ADCY2: variants seen among roughly 807,000 people sequenced by gnomAD.
ADCY2 encodes adenylate cyclase type 2.
In ADCY2, 31 loss-of-function variants were observed where a neutral mutation model predicts 125.2. The observed-to-expected ratio is 0.25, with a 90% CI of 0.19 to 0.33. The LOEUF (loss-of-function observed/expected upper bound fraction) is 0.33. Ranked by LOEUF, ADCY2 falls within the 10% of genes least tolerant of loss-of-function variation. The probability of loss-of-function intolerance (pLI) is 1.00; values close to 1 mark genes in which losing one functional copy is unlikely to be tolerated. For synonymous variants in ADCY2, 512 were observed against 548.4 expected (o/e 0.93, Z 0.93); for missense variants, 904 against 1,418.2 (o/e 0.64, Z 5.82).
intron 2 of ADCY2, among the ~76,000 whole-genome samples, chr5:7,427,173 C>A (rs1193062553): frequency 6.6e-6 from 1 of 152,150 alleles, no homozygotes; most frequent in Non-Finnish European, 1.5e-5. Flanking sequence ...TGGCTTGCAG[C>A]TGTGATACTC....
chr5:7,653,263 C>T (rs564824014), intron 4 of ADCY2, among the ~76,000 whole-genome samples: 1 of 152,246 alleles, frequency 6.6e-6, no homozygotes, highest in Non-Finnish European at 1.5e-5. Flanking sequence ...GGACTCGAGC[C>T]GGCCAGCCTG....
At chr5:7,496,165 T>C (rs1199559692) in intron 2 of ADCY2, among the ~76,000 whole-genome samples, 5 of 152,220 alleles carry the variant, frequency 3.3e-5, no homozygotes, top group Non-Finnish European at 7.3e-5. Context: ...AAGGGCATGC[T>C]GAATAATAGT....
intron 3 of ADCY2, among the ~76,000 whole-genome samples, chr5:7,551,796 T>C (rs947770545): frequency 3.3e-5 from 5 of 152,214 alleles, no homozygotes; most frequent in African/African-American, 7.2e-5. Flanking sequence ...ATATGTTTCT[T>C]TGAATGCCCA....
At chr5:7,449,335 A>C (rs1165548089) in intron 2 of ADCY2, among the ~76,000 whole-genome samples, 1 of 152,220 alleles carries the variant, frequency 6.6e-6, no homozygotes, top group Non-Finnish European at 1.5e-5. Flanking sequence ...AGACTGAGAA[A>C]CAAAAACATG....
chr5:7,764,343 C>T (rs1743319431), intron 16 of ADCY2, among the ~76,000 whole-genome samples: 1 of 152,288 alleles, frequency 6.6e-6, no homozygotes. Flanking sequence ...CTTGATTCCT[C>T]ACAGCATTTT....
intron 2 of ADCY2, among the ~76,000 whole-genome samples, chr5:7,503,063 G>A (rs371275145): frequency 1.4e-4 from 22 of 152,112 alleles, no homozygotes; most frequent in African/African-American, 4.3e-4. Flanking sequence ...ATTGAGATTC[G>A]CTTTCCTTTG....
rs1554032723 is a variant in ADCY2 at position 7,693,408 on chromosome 5, T to TTTTTTTTG, written c.870-2340_870-2339insTTTGTTTT. On this transcript the variant is annotated intron_variant, in intron 5 of 24. Transcript: ENST00000338316. ...ACCTTGCATCACAATTGCCTGCTGT[T>TTTTTTTTG]TTTTGTTTTTTTTTTTTTTTTTTTT... Among the ~76,000 whole-genome samples, 216 of 67,524 alleles carry TTTTTTTTG rather than the reference T, an allele frequency of 3.2e-3. 2 individuals are homozygous for TTTTTTTTG. The highest frequency in any genetic ancestry group is 0.015 in the East Asian group (23 of 1,524). 44.3% of individuals were successfully genotyped at this position (67,524 alleles called of 152,430 possible).
At chr5:7,567,444 G>A (rs926066669) in intron 3 of ADCY2, among the ~76,000 whole-genome samples, 3 of 152,068 alleles carry the variant, frequency 2.0e-5, no homozygotes, top group Admixed American at 2.0e-4. Context: ...TACCAATGAA[G>A]CTGACATTTT....
At chr5:7,637,730 G>A (rs1378259076) in intron 4 of ADCY2, among the ~76,000 whole-genome samples, 2 of 152,022 alleles carry the variant, frequency 1.3e-5, no homozygotes, top group Admixed American at 1.3e-4. Context: ...TGTTTTAGAA[G>A]GTATATTAAA....
intron 15 of ADCY2, among the ~76,000 whole-genome samples, chr5:7,744,396 A>T (rs1229694101): frequency 6.6e-6 from 1 of 152,236 alleles, no homozygotes; most frequent in Non-Finnish European, 1.5e-5. Flanking sequence ...AATTTAAAAA[A>T]AAAAGTAAAC....
At chr5:7,550,353 A>T (rs2126572853) in intron 3 of ADCY2, among the ~76,000 whole-genome samples, 1 of 152,320 alleles carries the variant, frequency 6.6e-6, no homozygotes, top group East Asian at 1.9e-4. Context: ...CTGTCCCCAG[A>T]AGTATCATTA....
chr5:7,693,020 T>C lies in ADCY2; in HGVS notation c.869+2181T>C, dbSNP rs143715315. 3.0e-4 allele frequency among the ~76,000 whole-genome samples: 46 copies of C among 152,292 alleles called. 1 individual carries two copies. Among genetic ancestry groups the C allele is most frequent in the Non-Finnish European group, 5.3e-4 (36 of 68,012 alleles). ...CTACTCCTCTTCCTCTACACACTTG[T>C]TTTGATTTGCACAAACCTTGATTTC... On this transcript the variant is annotated intron_variant, in intron 5 of 24. Coordinates refer to ENST00000338316, the MANE Select transcript of ADCY2 (RefSeq NM_020546.3).
At chr5:7,648,280 C>T (rs1738969042) in intron 4 of ADCY2, among the ~76,000 whole-genome samples, 1 of 152,152 alleles carries the variant, frequency 6.6e-6, no homozygotes, top group Non-Finnish European at 1.5e-5. Context: ...TGGCACATTA[C>T]TCACATCCTA....
At chr5:7,722,725 G>A (rs752818184) in intron 12 of ADCY2, among the ~76,000 whole-genome samples, 1 of 152,022 alleles carries the variant, frequency 6.6e-6, no homozygotes. Context: ...TTGCAAGGCC[G>A]AGGTGGGCAG....
chr5:7,719,105 A>G (rs4464661), intron 12 of ADCY2, among the ~76,000 whole-genome samples: 151,278 of 152,352 alleles, frequency 0.99, 75,111 homozygotes, highest in Middle Eastern at 1. Context: ...CTTTTGGAAC[A>G]TTCCTACCAA....
chr5:7,577,515 T>C (rs939526188), intron 3 of ADCY2, among the ~76,000 whole-genome samples: 1 of 152,106 alleles, frequency 6.6e-6, no homozygotes, highest in Non-Finnish European at 1.5e-5. Flanking sequence ...TAAAGTAAGT[T>C]GATAGTGAAT....
intron 7 of ADCY2, among the ~76,000 whole-genome samples, chr5:7,701,581 C>T (rs1432040551): frequency 6.6e-6 from 1 of 152,108 alleles, no homozygotes; most frequent in African/African-American, 2.4e-5. Flanking sequence ...TAACCATCGC[C>T]ACTGTCAACT....
In ADCY2 at chr5:7,695,765, G is replaced by T; in HGVS notation, c.883G>T (p.Asp295Tyr). 6.2e-7 allele frequency: 1 copy of T among 1,611,748 alleles called. No homozygotes were observed. The highest frequency in any genetic ancestry group is 1.1e-5 in the South Asian group (1 of 90,824). ...RHTNVSILYA[D>Y]IVGFTRLASD... is the part of the protein sequence containing the mutation. ...TTCTTCCCACAGCATCTTATACGCT[G>T]ACATCGTTGGCTTTACCCGGCTGGC... is the stretch of plus-strand genomic sequence containing the variant. Residue 295 changes from aspartate to tyrosine, a missense_variant, in exon 6 of 25, where the codon GAC (aspartate) becomes TAC (tyrosine). Asp to Tyr is a radical substitution (Grantham distance 160). This residue lies in a region of ADCY2 where 117 missense variants were observed against 248.0 expected (regional missense o/e 0.47). Transcript: ENST00000338316.
chr5:7,419,579 C>T (rs1047793733), intron 2 of ADCY2, among the ~76,000 whole-genome samples: 1 of 152,186 alleles, frequency 6.6e-6, no homozygotes, highest in African/African-American at 2.4e-5. Flanking sequence ...CACTTTTATT[C>T]TCCAGTCCCT....
Sources: allele counts gnomAD v4.1 joint callset (sites outside exome capture counted in the v4.1 genomes callset), GRCh38; gene constraint gnomAD v4.1.1; regional missense constraint gnomAD v4.1.1; transcripts MANE v1.5; gene names NCBI Gene and HGNC (gene_info 2026-07-23, HGNC 2026-07-21).